PRDM11: variants seen among roughly 807,000 people sequenced by gnomAD.
PRDM11 encodes the protein PR domain-containing protein 11.
In PRDM11, 20 loss-of-function variants were observed where a neutral mutation model predicts 97.8. The ratio of observed to expected loss-of-function variants is 0.20; its 90% CI spans 0.14 to 0.30. The LOEUF (loss-of-function observed/expected upper bound fraction) is 0.30, where lower values mean the gene tolerates loss of function less well. Among genes scored for constraint, PRDM11 ranks in the 10% least tolerant of loss-of-function variants. The probability of loss-of-function intolerance (pLI) is 1.00; values close to 1 mark genes in which losing one functional copy is unlikely to be tolerated. For synonymous variants in PRDM11, 599 were observed against 637.7 expected (o/e 0.94, Z 0.91); for missense variants, 1,139 against 1,555.2 (o/e 0.73, Z 4.50).
At chr11:45,180,552 G>A (rs1486510527) in intron 1 of PRDM11, among the ~76,000 whole-genome samples, 1 of 151,534 alleles carries the variant, frequency 6.6e-6, no homozygotes, top group African/African-American at 2.4e-5. Flanking sequence ...CCACCGCCCC[G>A]CCCGGGCGCC....
intron 4 of PRDM11, among the ~76,000 whole-genome samples, chr11:45,196,835 G>A (rs776867943): frequency 3.9e-5 from 6 of 152,190 alleles, no homozygotes; most frequent in Non-Finnish European, 7.3e-5. Context: ...CCTGGATTCC[G>A]ATCCTGGCTC....
intron 1 of PRDM11, among the ~76,000 whole-genome samples, chr11:45,169,037 G>A (rs1316898354): frequency 6.6e-6 from 1 of 152,206 alleles, no homozygotes; most frequent in African/African-American, 2.4e-5. Flanking sequence ...GTACAGCAGT[G>A]GTTGGGAGGA....
Position 45,226,546 on chromosome 11 carries a change from G to T in PRDM11, c.1921G>T (p.Ala641Ser). Residue 641 changes from alanine (A) to serine (S), a missense_variant, in exon 8 of 8, where the codon GCC becomes TCC. Coordinates refer to ENST00000683152, the MANE Select transcript of PRDM11 (RefSeq NM_001384648.1). Reference protein sequence around the residue: ...GDCQILIHHIARALREDLVER... With the variant: ...GDCQILIHHISRALREDLVER... ...CTGCCAGATCCTCATCCATCACATCGCCCGGGCCCTGCGGGAAGACCTGGT... is the reference window on the plus strand; with the variant it reads ...CTGCCAGATCCTCATCCATCACATCTCCCGGGCCCTGCGGGAAGACCTGGT... 3.3e-6 allele frequency: 5 copies of T among 1,533,940 alleles called. No homozygotes were observed. The highest frequency in any genetic ancestry group is 3.5e-6 in the Non-Finnish European group (4 of 1,146,726).
intron 1 of PRDM11, among the ~76,000 whole-genome samples, chr11:45,129,479 T>C (rs536217054): frequency 2.0e-5 from 3 of 152,272 alleles, no homozygotes; most frequent in South Asian, 2.1e-4. Flanking sequence ...CAGAAATCAA[T>C]TGTATATTTA....
Position 45,227,116 on chromosome 11 carries a change from G to A in PRDM11, c.2491G>A (p.Glu831Lys), listed in dbSNP as rs1307569590. Reference sequence around the variant, plus strand: ...CCGGGCAGTGCGGTGGATCATCGGCGAGCAGAACGTCCTCAACGCTCTCAT... The same window carrying A: ...CCGGGCAGTGCGGTGGATCATCGGCAAGCAGAACGTCCTCAACGCTCTCAT... ...DIRAVRWIIG[E>K]QNVLNALIKD... The change falls in exon 8 of 8, where the codon GAG becomes AAG. Residue 831 changes from glutamate (E) to lysine (K), a missense_variant. This residue lies in a region of PRDM11 where 710 missense variants were observed against 1,044.9 expected (regional missense o/e 0.68). Transcript: ENST00000683152. The surrounding 1 kb of genome is among the most constrained non-coding windows in gnomAD (Gnocchi z 8.0). 29 of 1,533,832 alleles carry A rather than the reference G, an allele frequency of 1.9e-5. No homozygotes were observed. The highest frequency in any genetic ancestry group is 2.7e-5 in the African/African-American group (2 of 72,984).
rs1290456714 is a variant in PRDM11 at position 45,230,679 on chromosome 11, G to A, written c.*2520G>A. The A allele has an allele frequency of 6.6e-6, 1 of 152,280 alleles. No individual in the cohort carries two copies. Among genetic ancestry groups the A allele is most frequent in the Non-Finnish European group, 1.5e-5 (1 of 68,080 alleles). 9.4% of individuals were successfully genotyped at this position (152,280 alleles called of 1,614,324 possible). A position where few individuals can be genotyped will look rare whatever the true frequency, so the allele number is the denominator to read the frequency against. ...GGCTTGGTGAGGGCAGAAACAGTAG[G>A]TTGAGATCCTTTCTTCTAGCCAACA... On this transcript the variant is annotated 3_prime_UTR_variant, in exon 8 of 8. Coordinates refer to ENST00000683152, the MANE Select transcript of PRDM11 (RefSeq NM_001384648.1).
chr11:45,228,260 TTATATTATATA>T lies in PRDM11; in HGVS notation c.*107_*117del, dbSNP rs1282784664. On this transcript the variant is annotated 3_prime_UTR_variant, in exon 8 of 8. Coordinates refer to ENST00000683152, the MANE Select transcript of PRDM11 (RefSeq NM_001384648.1). ...TAAATATATATTATATTATATTATA[TTATATTATATA>T]TATATATATATATAAACTCACACTG... 5.0e-5 allele frequency: 14 copies of T among 280,372 alleles called. No individual in the cohort carries two copies. The highest frequency in any genetic ancestry group is 7.6e-5 in the Admixed American group (1 of 13,150). The allele number at this position is 280,372 out of a possible 1,614,324, so 17.4% of individuals were successfully genotyped here.
At position 45,224,479 on chromosome 11, in the gene PRDM11, C is replaced by G; in HGVS notation, c.1005C>G (p.Pro335=). The G allele has an allele frequency of 6.2e-7, 1 of 1,614,184 alleles. No individual in the cohort carries two copies. The highest frequency in any genetic ancestry group is 1.3e-5 in the African/African-American group (1 of 75,044). Residue 335 remains proline, a synonymous_variant, in exon 7 of 8, where the codon CCC becomes CCG. Coordinates refer to ENST00000683152, the MANE Select transcript of PRDM11 (RefSeq NM_001384648.1). Reference sequence around the variant, plus strand: ...CCTCACTGGTCATCAGGAAAGTCCCCAAATACCAGGATGACGCCTACAGTC... The same window carrying G: ...CCTCACTGGTCATCAGGAAAGTCCCGAAATACCAGGATGACGCCTACAGTC... ...LSTSLVIRKV[P]KYQDDAYSQC...
At position 45,231,848 on chromosome 11, in the gene PRDM11, T is replaced by C. The variant is rs1854404486; in HGVS notation, c.*3689T>C. On this transcript the variant is annotated 3_prime_UTR_variant, in exon 8 of 8. Coordinates refer to ENST00000683152, the MANE Select transcript of PRDM11 (RefSeq NM_001384648.1). ...CCAGGCATCAGAAACAGCAGCCTTATTTAATTTAATTTTTCTAATGACTGG... is the reference window on the plus strand; with the variant it reads ...CCAGGCATCAGAAACAGCAGCCTTACTTAATTTAATTTTTCTAATGACTGG... 1.3e-5 allele frequency: 2 copies of C among 151,978 alleles called. No individual in the cohort carries two copies. The highest frequency in any genetic ancestry group is 2.9e-5 in the Non-Finnish European group (2 of 68,008). The allele number at this position is 151,978 out of a possible 1,614,324, so 9.4% of individuals were successfully genotyped here.
At chr11:45,172,500 A>G (rs1354567084) in intron 1 of PRDM11, among the ~76,000 whole-genome samples, 2 of 152,096 alleles carry the variant, frequency 1.3e-5, no homozygotes, top group Admixed American at 1.3e-4. Flanking sequence ...AGCACCAAAG[A>G]CACTCCTATA....
At chr11:45,210,063 G>C (rs1056669242) in intron 5 of PRDM11, among the ~76,000 whole-genome samples, 1 of 152,226 alleles carries the variant, frequency 6.6e-6, no homozygotes, top group African/African-American at 2.4e-5. Context: ...GTAGCAGCGC[G>C]GGGGAGGGGG....
Position 45,121,347 on chromosome 11 carries a change from G to C in PRDM11, c.96+25446G>C, listed in dbSNP as rs528591348. 6.6e-5 allele frequency among the ~76,000 whole-genome samples: 10 copies of C among 152,230 alleles called. No homozygotes were observed. The East Asian group carries it at 1.2e-3, about 18-fold the overall frequency. ...TATTGCTGGAAACCATTAACAAAAA[G>C]CTGGTGTGGTTATATTACTATCTGA... On this transcript the variant is annotated intron_variant, in intron 1 of 6. Transcript: ENST00000530656.
At chr11:45,174,746 T>A (rs1852287205) in intron 1 of PRDM11, among the ~76,000 whole-genome samples, 1 of 152,196 alleles carries the variant, frequency 6.6e-6, no homozygotes, top group Non-Finnish European at 1.5e-5. Flanking sequence ...AAAGAATATT[T>A]AAGTGACTAT....
intron 4 of PRDM11, among the ~76,000 whole-genome samples, chr11:45,186,077 G>A (rs1852694038): frequency 6.6e-6 from 1 of 152,158 alleles, no homozygotes; most frequent in African/African-American, 2.4e-5. Flanking sequence ...CTGAAAGAAT[G>A]TGGCCCTGCC....
chr11:45,138,809 TCTAA>T lies in PRDM11; in HGVS notation c.96+42912_96+42915del, dbSNP rs901327770. Among the ~76,000 whole-genome samples, 6 of 152,168 alleles carry T rather than the reference TCTAA, an allele frequency of 3.9e-5. 1 individual carries two copies. Among genetic ancestry groups the T allele is most frequent in the Non-Finnish European group, 5.9e-5 (4 of 68,024 alleles). On this transcript the variant is annotated intron_variant, in intron 1 of 6. Coordinates refer to the PRDM11 transcript ENST00000530656. ...TTTACAATATACTGAAGAAGGCCTT[TCTAA>T]CTATGTTCACAAAACTATAAAGGAA...
intron 1 of PRDM11, among the ~76,000 whole-genome samples, chr11:45,148,714 C>G (rs1269699141): frequency 6.6e-6 from 1 of 152,210 alleles, no homozygotes. Flanking sequence ...TCAATTTCTT[C>G]TCCTTGGTGT....
In PRDM11 at chr11:45,228,009, T is replaced by C. The variant is rs995670726; in HGVS notation, c.3384T>C (p.Asp1128=). Residue 1128 remains aspartate, a synonymous_variant, in exon 8 of 8, where the codon GAT becomes GAC. Coordinates refer to ENST00000683152, the MANE Select transcript of PRDM11 (RefSeq NM_001384648.1). ...AVNGPPITNF[D]AKRALDSWFE... ...ACGGACCGCCAATCACCAACTTTGA[T>C]GCCAAGCGAGCCCTGGACAGCTGGT... 2 of 1,533,742 alleles carry C rather than the reference T, an allele frequency of 1.3e-6. No homozygotes were observed. The highest frequency in any genetic ancestry group is 8.7e-7 in the Non-Finnish European group (1 of 1,146,702).
At chr11:45,113,801 T>C (rs1164224397) in intron 1 of PRDM11, among the ~76,000 whole-genome samples, 1 of 127,654 alleles carries the variant, frequency 7.8e-6, no homozygotes, top group African/African-American at 3.7e-5. Context: ...TGTGTGTGTG[T>C]GTGTGTGTGT....
chr11:45,185,698 C>A (rs193085461), intron 4 of PRDM11, among the ~76,000 whole-genome samples: 6 of 152,246 alleles, frequency 3.9e-5, no homozygotes, highest in Admixed American at 3.3e-4. Context: ...ACAGGGTTAG[C>A]CCAGAGGATT....
Sources: gnomAD v4.1 joint callset for allele counts (sites outside exome capture counted in the v4.1 genomes callset) on GRCh38, gnomAD v4.1.1 for gene constraint, gnomAD v4.1.1 regional missense constraint, Gnocchi (gnomAD v3.1) non-coding constraint, MANE v1.5 for transcripts, NCBI Gene and HGNC (gene_info 2026-07-23, HGNC 2026-07-21) for gene names.